Variants in DAPK2 observed in about 807,000 individuals in gnomAD.
The protein encoded by DAPK2 is death-associated protein kinase 2.
A neutral mutation model predicts 44.1 loss-of-function variants in DAPK2; 35 were observed. The ratio of observed to expected loss-of-function variants is 0.79; its 90% CI spans 0.61 to 1.05. DAPK2 has a LOEUF of 1.05. DAPK2 is among the 50% of genes least tolerant of loss of function. DAPK2 has a pLI of 0.00. For missense variants in DAPK2, 453 were observed against 483.2 expected (o/e 0.94, Z 0.59); for synonymous variants, 174 against 182.6 (o/e 0.95, Z 0.38).
At chr15:63,927,142 A>G (rs1567208552) in intron 6 of DAPK2, among the ~76,000 whole-genome samples, 1 of 152,210 alleles carries the variant, frequency 6.6e-6, no homozygotes, top group Non-Finnish European at 1.5e-5. Context: ...GAATACATGC[A>G]TACAAAAGCC....
chr15:63,999,282 T>C (rs2079024804), intron 1 of DAPK2, among the ~76,000 whole-genome samples: 1 of 152,174 alleles, frequency 6.6e-6, no homozygotes, highest in African/African-American at 2.4e-5. Flanking sequence ...GGACTATCCA[T>C]GGGCCAGGCA....
At chr15:64,003,397 G>A (rs2079148866) in intron 1 of DAPK2, among the ~76,000 whole-genome samples, 2 of 152,204 alleles carry the variant, frequency 1.3e-5, no homozygotes. Context: ...GCATTGCTCT[G>A]GCAGAGACCT....
chr15:63,972,478 A>C (rs2078239946), intron 2 of DAPK2, among the ~76,000 whole-genome samples: 1 of 152,246 alleles, frequency 6.6e-6, no homozygotes, highest in African/African-American at 2.4e-5. Context: ...TATTTGTAGA[A>C]ATACAGATGG....
rs55972299 is a variant in DAPK2, at chr15:63,989,188, CAAAAAAAAAA to C, written c.93-5444_93-5435del. ...GGGTGACAGGGTGAGACTTTGTCTC[CAAAAAAAAAA>C]AAAAAAAAAAAAGCCAGGCAAGGTG... is the stretch of plus-strand genomic sequence containing the variant. On this transcript the variant is annotated intron_variant, in intron 1 of 10. Coordinates refer to ENST00000261891, the Ensembl canonical transcript of DAPK2. Among the ~76,000 whole-genome samples, 511 of 109,826 alleles carry C rather than the reference CAAAAAAAAAA, an allele frequency of 4.7e-3. 2 individuals are homozygous for C. The highest frequency in any genetic ancestry group is 0.019 in the Middle Eastern group (4 of 212). The allele number at this position is 109,826 out of a possible 152,430, so 72.1% of individuals were successfully genotyped here.
intron 3 of DAPK2, among the ~76,000 whole-genome samples, chr15:63,941,092 C>G (rs1233716872): frequency 1.3e-5 from 2 of 152,122 alleles, no homozygotes; most frequent in African/African-American, 4.8e-5. Flanking sequence ...AATCAAACAT[C>G]CCTGTTTCTT....
chr15:64,008,731 A>C (rs1292726896), intron 1 of DAPK2, among the ~76,000 whole-genome samples: 1 of 152,260 alleles, frequency 6.6e-6, no homozygotes. Flanking sequence ...GCAAAAGTGC[A>C]TGAGGATAAC....
chr15:63,999,486 C>T (rs1439070247), intron 1 of DAPK2, among the ~76,000 whole-genome samples: 1 of 152,214 alleles, frequency 6.6e-6, no homozygotes, highest in Non-Finnish European at 1.5e-5. Flanking sequence ...AGTCACACAG[C>T]CCAGGACCTC....
intron 3 of DAPK2, among the ~76,000 whole-genome samples, chr15:63,961,398 GC>G (rs1256101658): frequency 1.3e-5 from 2 of 152,130 alleles, no homozygotes; most frequent in East Asian, 1.9e-4. Flanking sequence ...ATGTTAGCTG[GC>G]TATTTTGCTC....
intron 1 of DAPK2, among the ~76,000 whole-genome samples, chr15:64,039,937 T>C (rs923150011): frequency 6.6e-6 from 1 of 152,226 alleles, no homozygotes; most frequent in African/African-American, 2.4e-5. Context: ...CCAGCTAGAT[T>C]ATGCTGAAAA....
At chr15:63,907,063 T>C (rs1596374131) in exon 11 of DAPK2, 1 of 152,170 alleles carries the variant, frequency 6.6e-6, no homozygotes, top group African/African-American at 2.4e-5. Context: ...GTTTATTTTC[T>C]TACAATTTTT....
intron 2 of DAPK2, among the ~76,000 whole-genome samples, chr15:63,979,666 A>G (rs2078448571): frequency 6.6e-6 from 1 of 152,154 alleles, no homozygotes; most frequent in Non-Finnish European, 1.5e-5. Context: ...TAATCCTAGC[A>G]CTTTGGGAGG....
intron 1 of DAPK2, among the ~76,000 whole-genome samples, chr15:64,016,337 A>G (rs1399766867): frequency 6.6e-6 from 1 of 152,234 alleles, no homozygotes; most frequent in Non-Finnish European, 1.5e-5. Flanking sequence ...ACAGAGAGGC[A>G]GTGTAGTTCA....
At chr15:64,002,457 A>G (rs990517699) in intron 1 of DAPK2, among the ~76,000 whole-genome samples, 2 of 152,232 alleles carry the variant, frequency 1.3e-5, no homozygotes, top group Non-Finnish European at 2.9e-5. Context: ...CTTCCATAGC[A>G]TCTATCAACA....
chr15:64,003,637 G>A (rs539145144), intron 1 of DAPK2, among the ~76,000 whole-genome samples: 1 of 151,642 alleles, frequency 6.6e-6, no homozygotes, highest in Admixed American at 6.6e-5. Context: ...ACAGAGTCTT[G>A]CTCTGTCACC....
intron 1 of DAPK2, among the ~76,000 whole-genome samples, chr15:64,028,037 T>TCTAC: frequency 1.2e-5 from 1 of 82,528 alleles, no homozygotes; most frequent in Non-Finnish European, 2.9e-5. Context: ...ACTGTATCTA[T>TCTAC]CTATCTATCT....
At chr15:63,977,326 A>G (rs1195704420) in intron 2 of DAPK2, among the ~76,000 whole-genome samples, 1 of 152,024 alleles carries the variant, frequency 6.6e-6, no homozygotes, top group East Asian at 1.9e-4. Context: ...CCTTGCCCCC[A>G]CCTTGGGCAG....
intron 1 of DAPK2, among the ~76,000 whole-genome samples, chr15:64,030,706 G>T (rs1459683384): frequency 6.6e-6 from 1 of 152,066 alleles, no homozygotes; most frequent in African/African-American, 2.4e-5. Flanking sequence ...CTCCTGGATT[G>T]ATTTTTATTA....
intron 3 of DAPK2, among the ~76,000 whole-genome samples, chr15:63,958,238 A>G (rs2077783790): frequency 2.7e-5 from 4 of 149,920 alleles, no homozygotes; most frequent in Admixed American, 1.3e-4. Context: ...AGTTCTTTGT[A>G]GATTCTGGAT....
chr15:63,926,421 G>A (rs564635291), intron 6 of DAPK2, among the ~76,000 whole-genome samples: 3 of 152,204 alleles, frequency 2.0e-5, no homozygotes, highest in South Asian at 2.1e-4. Context: ...CAAAGGATAG[G>A]GGAGCACAGG....
Sources: gnomAD v4.1 joint callset for allele counts (sites outside exome capture counted in the v4.1 genomes callset) on GRCh38, gnomAD v4.1.1 for gene constraint, MANE v1.5 for transcripts, NCBI Gene and HGNC (gene_info 2026-07-23, HGNC 2026-07-21) for gene names.